The following LINGO2 variants were observed in gnomAD, a reference collection of about 807,000 sequenced individuals.
LINGO2 encodes the protein leucine rich repeat and Ig domain containing 2.
Under a neutral mutation model 30.6 loss-of-function variants are expected in LINGO2, and 14 were observed. That is an observed-to-expected ratio of 0.46 (90% CI 0.30 to 0.72). The LOEUF (loss-of-function observed/expected upper bound fraction) is 0.72. Among genes scored for constraint, LINGO2 ranks in the 30% least tolerant of loss-of-function variants. LINGO2 has a pLI of 0.07. For missense variants in LINGO2, 729 were observed against 751.7 expected (o/e 0.97, Z 0.35); for synonymous variants, 317 against 288.5 (o/e 1.10, Z -1.00).
At chr9:27,993,179 C>A (rs1821483883) in intron 5 of LINGO2, among the ~76,000 whole-genome samples, 1 of 152,004 alleles carries the variant, frequency 6.6e-6, no homozygotes, top group Non-Finnish European at 1.5e-5. Flanking sequence ...ATTTAGAGTT[C>A]TTTTATGTCA....
At chr9:27,969,883 G>A (rs550242888) in intron 5 of LINGO2, among the ~76,000 whole-genome samples, 1 of 152,038 alleles carries the variant, frequency 6.6e-6, no homozygotes, top group Admixed American at 6.6e-5. Flanking sequence ...ACCTGGCTGA[G>A]GTCCCTCTAC....
chr9:28,725,248 T>C, the LINGO2 span, among the ~76,000 whole-genome samples: 2 of 151,718 alleles, frequency 1.3e-5, no homozygotes, highest in East Asian at 3.9e-4. Flanking sequence ...GAAAGATAAA[T>C]AGAGATAAAA....
intron 2 of LINGO2, among the ~76,000 whole-genome samples, chr9:28,409,262 A>G (rs1001640004): frequency 1.3e-5 from 2 of 152,148 alleles, no homozygotes; most frequent in Non-Finnish European, 2.9e-5. Flanking sequence ...TGTCCAAGAT[A>G]CATTTACATA....
chr9:28,520,811 T>C (rs1820800398), intron 1 of LINGO2, among the ~76,000 whole-genome samples: 1 of 152,162 alleles, frequency 6.6e-6, no homozygotes, highest in South Asian at 2.1e-4. Context: ...AGCATGAAGG[T>C]ACAATAATTT....
intron 4 of LINGO2, among the ~76,000 whole-genome samples, chr9:28,105,795 G>C (rs138505833): frequency 6.6e-6 from 1 of 152,048 alleles, no homozygotes; most frequent in Non-Finnish European, 1.5e-5. Context: ...CAGAGAGAAG[G>C]TGGCTGTCTA....
At chr9:28,179,392 A>G (rs1166284848) in intron 4 of LINGO2, among the ~76,000 whole-genome samples, 4 of 129,342 alleles carry the variant, frequency 3.1e-5, no homozygotes, top group South Asian at 4.9e-4. Context: ...TATAGTATAT[A>G]TATACTATAG....
chr9:28,463,988 A>G (rs1825191817), intron 2 of LINGO2, among the ~76,000 whole-genome samples: 1 of 152,182 alleles, frequency 6.6e-6, no homozygotes, highest in African/African-American at 2.4e-5. Context: ...GAGGAAATCC[A>G]TAAGTTATAG....
At chr9:28,092,553 G>T (rs996161529) in intron 4 of LINGO2, among the ~76,000 whole-genome samples, 3 of 146,744 alleles carry the variant, frequency 2.0e-5, no homozygotes, top group Non-Finnish European at 4.6e-5. Flanking sequence ...TTGTGCGGTG[G>T]GGGGGAGGGG....
intron 4 of LINGO2, among the ~76,000 whole-genome samples, chr9:28,192,667 A>G (rs887506793): frequency 1.3e-5 from 2 of 152,128 alleles, no homozygotes; most frequent in South Asian, 2.1e-4. Context: ...TAACACCGCA[A>G]TGTTCTACGG....
chr9:28,677,619 T>C, the LINGO2 span, among the ~76,000 whole-genome samples: 4 of 152,152 alleles, frequency 2.6e-5, no homozygotes, highest in African/African-American at 9.7e-5. Flanking sequence ...TCAACTATAC[T>C]GTCTAACGCT....
chr9:28,905,599 T>C, the LINGO2 span, among the ~76,000 whole-genome samples: 1 of 152,094 alleles, frequency 6.6e-6, no homozygotes, highest in Admixed American at 6.6e-5. Context: ...ATTTTATGTC[T>C]ACATGTAAGA....
the LINGO2 span, among the ~76,000 whole-genome samples, chr9:28,681,279 T>C: frequency 6.6e-6 from 1 of 152,016 alleles, no homozygotes; most frequent in Non-Finnish European, 1.5e-5. Context: ...CCAGATGCAC[T>C]AGAAAGTCTT....
At chr9:29,125,736 A>T in the LINGO2 span, among the ~76,000 whole-genome samples, 2 of 152,164 alleles carry the variant, frequency 1.3e-5, no homozygotes, top group African/African-American at 4.8e-5. Flanking sequence ...GACTAAATGA[A>T]TGTAGATTAA....
At chr9:28,533,398 G>C (rs2135435559) in intron 1 of LINGO2, among the ~76,000 whole-genome samples, 1 of 152,182 alleles carries the variant, frequency 6.6e-6, no homozygotes, top group South Asian at 2.1e-4. Context: ...ACTTCACCTT[G>C]TGATCCTGTG....
chr9:28,509,749 C>T (rs903291876), intron 1 of LINGO2, among the ~76,000 whole-genome samples: 2 of 152,174 alleles, frequency 1.3e-5, no homozygotes, highest in African/African-American at 2.4e-5. Flanking sequence ...CCTGATGGCA[C>T]TCTAATCTTA....
chr9:28,660,131 TAGTTA>T lies in LINGO2; in HGVS notation c.-365+10064_-365+10068del, dbSNP rs374815642. Among the ~76,000 whole-genome samples the T allele has an allele frequency of 5.0e-3, 757 of 152,258 alleles. 10 individuals are homozygous for T. Among genetic ancestry groups the T allele is most frequent in the African/African-American group, 0.018 (733 of 41,564 alleles). ...ATAAAAATTGCATGTAAAATAATTG[TAGTTA>T]AGTTATTTTGAGCACCTATATTATT... On this transcript the variant is annotated intron_variant, in intron 1 of 5. Transcript: ENST00000379992.
chr9:27,985,154 C>T (rs1407778536), intron 5 of LINGO2, among the ~76,000 whole-genome samples: 1 of 151,868 alleles, frequency 6.6e-6, no homozygotes, highest in Admixed American at 6.6e-5. Flanking sequence ...GAAGGTGTGT[C>T]TACCAGTAGT....
chr9:28,824,018 G>A, the LINGO2 span, among the ~76,000 whole-genome samples: 1 of 152,082 alleles, frequency 6.6e-6, no homozygotes, highest in Non-Finnish European at 1.5e-5. Flanking sequence ...AAAAAAGTTG[G>A]TATCACATGG....
chr9:28,645,151 T>C (rs1827783240), intron 1 of LINGO2, among the ~76,000 whole-genome samples: 1 of 152,124 alleles, frequency 6.6e-6, no homozygotes, highest in South Asian at 2.1e-4. Context: ...TTATATACTA[T>C]ACCTTAATTC....
Sources: gnomAD v4.1 joint callset for allele counts (sites outside exome capture counted in the v4.1 genomes callset) on GRCh38, gnomAD v4.1.1 for gene constraint, MANE v1.5 for transcripts, NCBI Gene and HGNC (gene_info 2026-07-23, HGNC 2026-07-21) for gene names.